PLXNA4: variants seen among roughly 807,000 people sequenced by gnomAD.
PLXNA4 encodes plexin-A4.
Under a neutral mutation model 191.8 loss-of-function variants are expected in PLXNA4, and 44 were observed. The observed-to-expected ratio is 0.23, with a 90% CI of 0.18 to 0.29. The LOEUF (loss-of-function observed/expected upper bound fraction) is 0.29. Ranked by LOEUF, PLXNA4 falls within the 10% of genes least tolerant of loss-of-function variation. The probability of loss-of-function intolerance (pLI) is 1.00; values close to 1 mark genes in which losing one functional copy is unlikely to be tolerated. For synonymous variants in PLXNA4, 1,082 were observed against 1,009.5 expected, an observed-to-expected ratio of 1.07 and a Z score of -1.36; for missense variants, 1,800 against 2,488.8, an observed-to-expected ratio of 0.72 and a Z score of 5.89.
At chr7:132,194,032 C>T (rs1584824510) in intron 14 of PLXNA4, 30 bp downstream of exon 14, 4 of 1,601,272 alleles carry the variant, frequency 2.5e-6, no homozygotes, top group Non-Finnish European at 3.4e-6. Flanking sequence ...TGGCCTGCAC[C>T]CAGCCAGATC....
At chr7:132,346,946 T>C (rs1192802120) in intron 3 of PLXNA4, among the ~76,000 whole-genome samples, 2 of 152,190 alleles carry the variant, frequency 1.3e-5, no homozygotes, top group East Asian at 1.9e-4. Flanking sequence ...AGTGAGAGGA[T>C]GACATTAAAT....
chr7:132,203,304 G>T lies in PLXNA4; in HGVS notation c.2395+19C>A. On this transcript the variant is annotated intron_variant, in intron 11 of 31. Coordinates refer to ENST00000321063, the MANE Select transcript of PLXNA4 (RefSeq NM_020911.2). ...ATCCCTTCCCCTCCCTCCCCTGCTA[G>T]GCCCCAGCCCTTCCACACCTTTATT... The T allele has an allele frequency of 7.2e-7, 1 of 1,395,202 alleles. No individual in the cohort carries two copies. Among genetic ancestry groups the T allele is most frequent in the Non-Finnish European group, 9.8e-7 (1 of 1,023,202 alleles). The allele number at this position is 1,395,202 out of a possible 1,614,324, so 86.4% of individuals were successfully genotyped here.
At chr7:132,466,875 C>A (rs895031360) in intron 3 of PLXNA4, among the ~76,000 whole-genome samples, 1 of 152,160 alleles carries the variant, frequency 6.6e-6, no homozygotes, top group Non-Finnish European at 1.5e-5. Context: ...GTTGCAATTG[C>A]CTGTTCACAG....
rs377337663 is a variant in PLXNA4, at chr7:132,228,842, T to C, written c.1605-373A>G. On this transcript the variant is annotated intron_variant, in intron 5 of 31. Transcript: ENST00000321063. ...ATTTGTTTTCTTCATATAGAAAATA[T>C]ACCTCCTTGGCTTTGAACATGCCAG... 1.3e-3 allele frequency among the ~76,000 whole-genome samples: 197 copies of C among 152,300 alleles called. 8 individuals are homozygous for C. The South Asian group carries it at 0.039, about 30-fold the overall frequency.
At position 132,202,849 on chromosome 7, in the gene PLXNA4, A is replaced by G. The variant is rs773752257; in HGVS notation, c.2396-13T>C. Reference sequence around the variant, plus strand: ...TTGTAGAGGTGAACTGCAGAGGGGAAGGGCAAGGACAAGGGGTGCTTGGGA... The same window carrying G: ...TTGTAGAGGTGAACTGCAGAGGGGAGGGGCAAGGACAAGGGGTGCTTGGGA... On this transcript the variant is annotated splice_polypyrimidine_tract_variant and intron_variant, in intron 11 of 31. Coordinates refer to ENST00000321063, the MANE Select transcript of PLXNA4 (RefSeq NM_020911.2). 7.7e-6 allele frequency: 12 copies of G among 1,549,608 alleles called. No individual in the cohort carries two copies. The highest frequency in any genetic ancestry group is 1.7e-4 in the Middle Eastern group (1 of 5,756).
chr7:132,423,539 T>C (rs1794926421), intron 3 of PLXNA4, among the ~76,000 whole-genome samples: 1 of 152,194 alleles, frequency 6.6e-6, no homozygotes, highest in Non-Finnish European at 1.5e-5. Flanking sequence ...ATCAGTCACA[T>C]GTATGCCCAT....
chr7:132,459,924 C>A (rs149598288), intron 3 of PLXNA4, among the ~76,000 whole-genome samples: 1 of 151,024 alleles, frequency 6.6e-6, no homozygotes, highest in Non-Finnish European at 1.5e-5. Flanking sequence ...AGTGCCCCCA[C>A]CCCGCCCCTT....
At chr7:132,591,307 C>G (rs1365364) in intron 2 of PLXNA4, among the ~76,000 whole-genome samples, 45,685 of 152,022 alleles carry the variant, frequency 0.3, 6,926 homozygotes, top group Admixed American at 0.34. Context: ...TCCCAGCCCT[C>G]ATCAAATCAC....
intron 3 of PLXNA4, among the ~76,000 whole-genome samples, chr7:132,469,177 A>C (rs1367330320): frequency 6.6e-6 from 1 of 151,828 alleles, no homozygotes; most frequent in Non-Finnish European, 1.5e-5. Context: ...AAAGTATTTT[A>C]GATCCAAAAG....
chr7:132,141,444 A>C (rs1795266237), intron 29 of PLXNA4, among the ~76,000 whole-genome samples: 1 of 151,984 alleles, frequency 6.6e-6, no homozygotes, highest in South Asian at 2.1e-4. Context: ...TCCAGTTGGC[A>C]CCTCCTGCCC....
rs965948186 is a variant in PLXNA4, at chr7:132,185,165, G to A, written c.3158+134C>T. 6 of 1,315,070 alleles carry A rather than the reference G, an allele frequency of 4.6e-6. No individual in the cohort carries two copies. In the Admixed American group the frequency reaches 1.4e-4, roughly 31 times the overall value. The allele number at this position is 1,315,070 out of a possible 1,614,324, so 81.5% of individuals were successfully genotyped here. A position where few individuals can be genotyped will look rare whatever the true frequency, so the allele number is the denominator to read the frequency against. ...CCACAGTAGGAAGGTCTGATTTGGGGGTGTTTGGAATCAATTCCAGCTCAT... is the reference window on the plus strand; with the variant it reads ...CCACAGTAGGAAGGTCTGATTTGGGAGTGTTTGGAATCAATTCCAGCTCAT... On this transcript the variant is annotated intron_variant, in intron 16 of 31. Coordinates refer to ENST00000321063, the MANE Select transcript of PLXNA4 (RefSeq NM_020911.2).
At chr7:132,517,665 CT>C (rs1798994879) in intron 1 of PLXNA4, among the ~76,000 whole-genome samples, 2 of 152,312 alleles carry the variant, frequency 1.3e-5, no homozygotes, top group Admixed American at 1.3e-4. Context: ...CAGCAGCCCC[CT>C]CCCTTGTTTC....
chr7:132,372,597 G>A (rs1231097990), intron 3 of PLXNA4, among the ~76,000 whole-genome samples: 1 of 152,164 alleles, frequency 6.6e-6, no homozygotes, highest in Non-Finnish European at 1.5e-5. Context: ...TACCTCCAAG[G>A]TCTGATGTTA....
intron 1 of PLXNA4, among the ~76,000 whole-genome samples, chr7:132,530,566 T>A (rs1329541824): frequency 6.6e-6 from 1 of 152,224 alleles, no homozygotes; most frequent in Non-Finnish European, 1.5e-5. Context: ...AGAATGGCTA[T>A]AATCAAGAAA....
At chr7:132,175,380 C>T (rs1173282806) in intron 20 of PLXNA4, among the ~76,000 whole-genome samples, 22 of 152,156 alleles carry the variant, frequency 1.4e-4, no homozygotes, top group Admixed American at 1.4e-3. Context: ...TTAAGAAAAA[C>T]TGATAAAGGA....
At chr7:132,498,522 A>G (rs1359761485) in intron 2 of PLXNA4, among the ~76,000 whole-genome samples, 1 of 152,162 alleles carries the variant, frequency 6.6e-6, no homozygotes, top group Non-Finnish European at 1.5e-5. Flanking sequence ...TCCTGCCCCC[A>G]TGATTCAATT....
At chr7:132,162,677 T>C (rs1315022680) in intron 24 of PLXNA4, among the ~76,000 whole-genome samples, 1 of 152,108 alleles carries the variant, frequency 6.6e-6, no homozygotes, top group Admixed American at 6.6e-5. Context: ...GGAGCCTCTC[T>C]CTCTCTCCTT....
chr7:132,574,104 A>C (rs886950820), intron 1 of PLXNA4, among the ~76,000 whole-genome samples: 8 of 152,238 alleles, frequency 5.3e-5, no homozygotes, highest in Non-Finnish European at 8.8e-5. Flanking sequence ...AAGTGCAGAA[A>C]GTGCAGAGAT....
At chr7:132,377,424 A>G (rs1406675171) in intron 3 of PLXNA4, among the ~76,000 whole-genome samples, 1 of 121,946 alleles carries the variant, frequency 8.2e-6, no homozygotes, top group Admixed American at 7.8e-5. Context: ...ATGAAAAAGA[A>G]AAAAAAAAAA....
Sources: allele counts gnomAD v4.1 joint callset (sites outside exome capture counted in the v4.1 genomes callset), GRCh38; gene constraint gnomAD v4.1.1; transcripts MANE v1.5; gene names NCBI Gene and HGNC (gene_info 2026-07-23, HGNC 2026-07-21).